DCDC1: variants seen among roughly 807,000 people sequenced by gnomAD.
DCDC1 encodes doublecortin domain containing 1, also known as doublecortin domain-containing protein 1.
In DCDC1, 200 loss-of-function variants were observed where a neutral mutation model predicts 178.3. The ratio of observed to expected loss-of-function variants is 1.12; its 90% confidence interval spans 1.00 to 1.26. The LOEUF (loss-of-function observed/expected upper bound fraction) is 1.26, where lower values mean the gene tolerates loss of function less well. Ranked by LOEUF, DCDC1 falls within the 50% of genes most tolerant of loss-of-function variation. The pLI is 0.00. For missense variants in DCDC1, 1,983 were observed against 1,749.2 expected, an observed-to-expected ratio of 1.13 and a Z score of -2.38; for synonymous variants, 690 against 604.8, an observed-to-expected ratio of 1.14 and a Z score of -2.07.
chr11:31,046,741 T>C (rs757821468), intron 20 of DCDC1, among the ~76,000 whole-genome samples: 2 of 151,960 alleles, frequency 1.3e-5, no homozygotes, highest in Admixed American at 1.3e-4. Flanking sequence ...TTCTGCTTGA[T>C]ATATGAGCTC....
chr11:31,293,960 T>C (rs1257228177), intron 6 of DCDC1, among the ~76,000 whole-genome samples: 1 of 152,202 alleles, frequency 6.6e-6, no homozygotes, highest in Non-Finnish European at 1.5e-5. Flanking sequence ...CTGTCAGTGT[T>C]TCCACTTCTT....
rs555852682 is a variant in DCDC1, at chr11:30,964,880, C to G, written c.2592-12312G>C. ...AATGTTCATCCTTTCTTCTGCATGG[C>G]TTAAGATCAACAGGACAGCATGTCA... On this transcript the variant is annotated intron_variant, in intron 20 of 38. Transcript: ENST00000684477. 3.2e-3 allele frequency among the ~76,000 whole-genome samples: 486 copies of G among 152,110 alleles called. 4 individuals are homozygous for G. The highest frequency in any genetic ancestry group is 0.011 in the African/African-American group (464 of 41,504).
At chr11:31,153,541 G>C (rs986031974) in intron 9 of DCDC1, among the ~76,000 whole-genome samples, 1 of 152,090 alleles carries the variant, frequency 6.6e-6, no homozygotes, top group Non-Finnish European at 1.5e-5. Context: ...CCAGTATTTT[G>C]GGAGGCCGAG....
chr11:31,368,526 T>C (rs1952086451), intron 1 of DCDC1, among the ~76,000 whole-genome samples: 1 of 152,194 alleles, frequency 6.6e-6, no homozygotes, highest in African/African-American at 2.4e-5. Context: ...AACCAGATGC[T>C]CTTTGTATCT....
At chr11:30,990,404 C>T (rs1430620249) in intron 20 of DCDC1, among the ~76,000 whole-genome samples, 1 of 152,122 alleles carries the variant, frequency 6.6e-6, no homozygotes, top group East Asian at 1.9e-4. Flanking sequence ...GAAGATGCTC[C>T]TAGGAGCAGC....
chr11:31,269,384 C>CT (rs11370444), intron 7 of DCDC1, among the ~76,000 whole-genome samples: 37,800 of 148,784 alleles, frequency 0.25, 4,898 homozygotes, highest in African/African-American at 0.32. Flanking sequence ...TTGTTAATTC[C>CT]TTTTTTTTTT....
intron 36 of DCDC1, among the ~76,000 whole-genome samples, chr11:30,885,142 G>A (rs1943048115): frequency 6.6e-6 from 1 of 151,630 alleles, no homozygotes. Context: ...AACTCAGAGG[G>A]GAGGGAAAAA....
At chr11:31,253,121 C>T (rs973083600) in intron 8 of DCDC1, among the ~76,000 whole-genome samples, 8 of 152,104 alleles carry the variant, frequency 5.3e-5, no homozygotes, top group African/African-American at 1.2e-4. Flanking sequence ...AATCATTAAG[C>T]ATGAGAACTA....
chr11:30,874,682 T>C (rs149611390), intron 38 of DCDC1, among the ~76,000 whole-genome samples: 69 of 152,290 alleles, frequency 4.5e-4, no homozygotes, highest in South Asian at 1.2e-3. Context: ...GGAAATTTCC[T>C]TTAAAACACA....
intron 24 of DCDC1, among the ~76,000 whole-genome samples, 198 bp downstream of exon 24, chr11:30,922,305 T>C (rs1310913535): frequency 6.6e-6 from 1 of 152,190 alleles, no homozygotes; most frequent in Non-Finnish European, 1.5e-5. Flanking sequence ...AAGATGATGT[T>C]CTCTTTGCAC....
intron 10 of DCDC1, 32 bp from the exon 11 acceptor site, chr11:31,127,671 G>A (rs1427067113): frequency 4.3e-6 from 3 of 696,662 alleles, no homozygotes; most frequent in East Asian, 2.7e-5. Context: ...AGTTGTTAGC[G>A]AGAAGTAATT....
chr11:31,107,085 A>C, intron 12 of DCDC1, 125 bp from the exon 13 acceptor site: 1 of 601,556 alleles, frequency 1.7e-6, no homozygotes, highest in Non-Finnish European at 2.9e-6. Flanking sequence ...TTAAATTCAT[A>C]TAGAATGTTA....
intron 9 of DCDC1, among the ~76,000 whole-genome samples, chr11:31,202,793 CCA>C (rs1245820473): frequency 1.3e-5 from 2 of 152,184 alleles, no homozygotes; most frequent in East Asian, 3.9e-4. Flanking sequence ...GTCCTCTGCT[CCA>C]TATACGGAGA....
intron 7 of DCDC1, among the ~76,000 whole-genome samples, chr11:31,284,874 G>A (rs941515324): frequency 3.3e-5 from 5 of 151,760 alleles, no homozygotes; most frequent in Non-Finnish European, 7.4e-5. Flanking sequence ...CCTGACCTTA[G>A]GTGATCTGCC....
chr11:31,133,743 G>A (rs576326169), intron 10 of DCDC1, among the ~76,000 whole-genome samples: 121 of 151,960 alleles, frequency 8.0e-4, no homozygotes, highest in Admixed American at 1.3e-3. Context: ...TCACTCTGTC[G>A]CCCAGGCTGG....
At chr11:31,367,784 T>C (rs775032701) in intron 1 of DCDC1, among the ~76,000 whole-genome samples, 1 of 152,222 alleles carries the variant, frequency 6.6e-6, no homozygotes, top group Non-Finnish European at 1.5e-5. Flanking sequence ...TATATTTCTA[T>C]TGGAAAGTAC....
rs1175691703 is a variant in DCDC1, at chr11:31,160,398, T to A, written c.1222-22614A>T. Among the ~76,000 whole-genome samples, 4 of 152,210 alleles carry A rather than the reference T, an allele frequency of 2.6e-5. No homozygotes were observed. In the South Asian group the frequency reaches 8.3e-4, roughly 32 times the overall value. ...TTAGCATTTTAATATAAAAACTTTA[T>A]GCTATATAAATGTTACATGCTTCAG... On this transcript the variant is annotated intron_variant, in intron 9 of 38. Transcript: ENST00000684477.
chr11:31,263,107 T>C (rs1314910073), intron 8 of DCDC1: 2 of 1,607,960 alleles, frequency 1.2e-6, no homozygotes, highest in African/African-American at 2.7e-5. Context: ...ATACCATATT[T>C]GGGAGGAGAA....
intron 20 of DCDC1, among the ~76,000 whole-genome samples, chr11:30,971,611 T>G (rs926668959): frequency 9.0e-5 from 11 of 122,222 alleles, no homozygotes; most frequent in African/African-American, 2.3e-4. Context: ...TTGTTTTTTT[T>G]TTTTTTTTTT....
Sources: gnomAD v4.1 joint callset for allele counts (sites outside exome capture counted in the v4.1 genomes callset) on GRCh38, gnomAD v4.1.1 for gene constraint, MANE v1.5 for transcripts, NCBI Gene and HGNC (gene_info 2026-07-23, HGNC 2026-07-21) for gene names.